Variants in CENPU observed in about 807,000 individuals in gnomAD.
CENPU encodes the protein centromere protein U, also known as KSHV latent nuclear antigen interacting protein 1.
In CENPU, 46 loss-of-function variants were observed where a neutral mutation model predicts 56.7. The observed-to-expected ratio is 0.81, with a 90% CI of 0.64 to 1.04. The LOEUF is 1.04. Among genes scored for constraint, CENPU ranks in the 50% least tolerant of loss-of-function variants. The pLI, the probability that CENPU is intolerant of heterozygous loss-of-function variation, is 0.00. For synonymous variants in CENPU, 166 were observed against 163.0 expected (o/e 1.02, Z -0.14); for missense variants, 510 against 490.1 (o/e 1.04, Z -0.38).
intron 1 of CENPU, chr4:184,733,366 G>C: frequency 1.0e-6 from 1 of 988,492 alleles, no homozygotes; most frequent in Non-Finnish European, 1.2e-6. Flanking sequence ...TTGGCGTATG[G>C]CTTTGTGCAC....
At chr4:184,731,735 G>T (rs1397711425) in intron 1 of CENPU, among the ~76,000 whole-genome samples, 1 of 152,152 alleles carries the variant, frequency 6.6e-6, no homozygotes. Flanking sequence ...CATGCAGATT[G>T]CAGCCATATT....
chr4:184,724,797 T>G (rs909503278), intron 4 of CENPU, among the ~76,000 whole-genome samples, 160 bp downstream of exon 4: 1 of 152,214 alleles, frequency 6.6e-6, no homozygotes, highest in Non-Finnish European at 1.5e-5. Flanking sequence ...ATCGTGTCAA[T>G]TATTAATAAA....
In CENPU at chr4:184,730,614, G is replaced by T. The variant is rs545341199; in HGVS notation, c.96+306C>A. Among the ~76,000 whole-genome samples the T allele has an allele frequency of 4.6e-5, 7 of 150,988 alleles. 1 individual carries two copies. The South Asian group carries it at 1.5e-3, about 31-fold the overall frequency. On this transcript the variant is annotated intron_variant, in intron 2 of 12. Coordinates refer to ENST00000281453, the MANE Select transcript of CENPU (RefSeq NM_024629.4). ...ATCATGAAATCATAAAACAATTCTT[G>T]AAAAGTACAATGAGGAGAAATGGCT... is the stretch of plus-strand genomic sequence containing the variant.
chr4:184,725,509 T>G (rs1244834929), intron 3 of CENPU, among the ~76,000 whole-genome samples: 1 of 152,202 alleles, frequency 6.6e-6, no homozygotes, highest in Non-Finnish European at 1.5e-5. Context: ...TCTCACTATG[T>G]TGCCCAGGTT....
intron 3 of CENPU, among the ~76,000 whole-genome samples, chr4:184,727,370 A>T (rs1328413360): frequency 6.6e-6 from 1 of 152,188 alleles, no homozygotes; most frequent in East Asian, 1.9e-4. Flanking sequence ...ATGGTTGCAC[A>T]ACAACGTGAA....
chr4:184,718,740 A>G (rs72705689), intron 4 of CENPU, among the ~76,000 whole-genome samples: 27,094 of 152,126 alleles, frequency 0.18, 2,707 homozygotes, highest in African/African-American at 0.26. Flanking sequence ...GAACAAACCA[A>G]GACTGATTGC....
intron 12 of CENPU, among the ~76,000 whole-genome samples, chr4:184,697,094 C>T (rs749999633): frequency 6.6e-6 from 1 of 152,012 alleles, no homozygotes; most frequent in Non-Finnish European, 1.5e-5. Context: ...TCGCCCAAGG[C>T]TGGTCTTGAA....
intron 8 of CENPU, 83 bp from the exon 9 acceptor site, chr4:184,702,524 CACAT>C: frequency 1.1e-6 from 1 of 917,324 alleles, no homozygotes; most frequent in Non-Finnish European, 1.7e-6. Context: ...AACAAACATA[CACAT>C]ACAATTTGGC....
In CENPU at chr4:184,699,681, GAC is replaced by G. The variant is rs924132627; in HGVS notation, c.986+1137_986+1138del. The G allele has an allele frequency of 4.8e-5, 55 of 1,135,368 alleles. No homozygotes were observed. The African/African-American group carries it at 7.0e-4, about 14-fold the overall frequency. 70.3% of individuals were successfully genotyped at this position (1,135,368 alleles called of 1,614,324 possible). On this transcript the variant is annotated intron_variant, in intron 11 of 12. Transcript: ENST00000281453. ...GTGGCAGTCTCTCTTTTTTTTTTGA[GAC>G]ACAGTTTCACTCTGTCACCCAGGCT... is the stretch of plus-strand genomic sequence containing the variant.
chr4:184,730,698 G>T (rs892065675), intron 2 of CENPU, among the ~76,000 whole-genome samples: 2 of 151,830 alleles, frequency 1.3e-5, no homozygotes, highest in Non-Finnish European at 2.9e-5. Context: ...TTATCTAAAC[G>T]AAAATAAAAC....
chr4:184,708,789 GAAATGCTT>G (rs1240804791), intron 8 of CENPU, among the ~76,000 whole-genome samples: 1 of 152,158 alleles, frequency 6.6e-6, no homozygotes, highest in African/African-American at 2.4e-5. Flanking sequence ...GGTGTTGGAT[GAAATGCTT>G]AAATATGAGA....
rs939154673 is a variant in CENPU at position 184,697,511 on chromosome 4, T to C, written c.1143+136A>G. 38 of 799,224 alleles carry C rather than the reference T, an allele frequency of 4.8e-5. No homozygotes were observed. The African/African-American group carries it at 5.7e-4, about 12-fold the overall frequency. 49.5% of individuals were successfully genotyped at this position (799,224 alleles called of 1,614,324 possible). A position where few individuals can be genotyped will look rare whatever the true frequency, so the allele number is the denominator to read the frequency against. On this transcript the variant is annotated intron_variant, in intron 12 of 12. Transcript: ENST00000281453. ...GATATAATGAAGTTTCACTGGCTTATAGTGATACTATTTTAGGTGGACTCT... is the reference window on the plus strand; with the variant it reads ...GATATAATGAAGTTTCACTGGCTTACAGTGATACTATTTTAGGTGGACTCT...
rs9715659 is a variant in CENPU at position 184,712,036 on chromosome 4, G to T, written c.688+908C>A. 3.3e-5 allele frequency among the ~76,000 whole-genome samples: 5 copies of T among 150,350 alleles called. No individual in the cohort carries two copies. In the East Asian group the frequency reaches 7.8e-4, roughly 23 times the overall value. Reference sequence around the variant, plus strand: ...CTCAGGAGGCTGAGGCAGGCGATTCGCTTGAACCTGGGAGGCAGAAGTTGC... The same window carrying T: ...CTCAGGAGGCTGAGGCAGGCGATTCTCTTGAACCTGGGAGGCAGAAGTTGC... On this transcript the variant is annotated intron_variant, in intron 7 of 12. Transcript: ENST00000281453.
chr4:184,728,941 T>C lies in CENPU; in HGVS notation c.191A>G (p.Asp64Gly). ...SIGRLGENEKDEETYETFDPP... is the reference protein window; with the variant it reads ...SIGRLGENEKGEETYETFDPP... ...ACCAAAGGTCTCATAAGTTTCTTCA[T>C]CTTTCTCATTTTCACCCAGCCTGCC... is the stretch of plus-strand genomic sequence containing the variant. Residue 64 changes from aspartate (D) to glycine (G), a missense_variant, in exon 3 of 13, where the codon GAT becomes GGT. By Grantham distance (94) the Asp-to-Gly change is moderately conservative. Coordinates refer to ENST00000281453, the MANE Select transcript of CENPU (RefSeq NM_024629.4). 6.2e-7 allele frequency: 1 copy of C among 1,614,044 alleles called. No individual in the cohort carries two copies. Among genetic ancestry groups the C allele is most frequent in the Non-Finnish European group, 8.5e-7 (1 of 1,179,908 alleles).
At chr4:184,724,179 T>C (rs763269302) in intron 4 of CENPU, among the ~76,000 whole-genome samples, 2 of 152,064 alleles carry the variant, frequency 1.3e-5, no homozygotes, top group Non-Finnish European at 2.9e-5. Flanking sequence ...GGCAGGAGAA[T>C]GGCGTGAACC....
chr4:184,705,984 A>T (rs956750680), intron 8 of CENPU, among the ~76,000 whole-genome samples: 1 of 152,198 alleles, frequency 6.6e-6, no homozygotes, highest in African/African-American at 2.4e-5. Context: ...TTGTGATTTA[A>T]CGGGTACAGA....
chr4:184,704,446 G>A (rs1447445759), intron 8 of CENPU, among the ~76,000 whole-genome samples: 2 of 152,156 alleles, frequency 1.3e-5, no homozygotes, highest in East Asian at 1.9e-4. Context: ...TATAGCCGCG[G>A]CATGTACTAG....
chr4:184,710,251 T>A, intron 7 of CENPU, 71 bp from the exon 8 acceptor site: 1 of 953,550 alleles, frequency 1.0e-6, no homozygotes, highest in Non-Finnish European at 1.6e-6. Flanking sequence ...TCTGAAAGCC[T>A]GACACAAAAA....
In CENPU at chr4:184,713,028, A is replaced by G; in HGVS notation, c.619-15T>C. 2 of 1,469,602 alleles carry G rather than the reference A, an allele frequency of 1.4e-6. No individual in the cohort carries two copies. Among genetic ancestry groups the G allele is most frequent in the African/African-American group, 1.4e-5 (1 of 69,890 alleles). The allele number at this position is 1,469,602 out of a possible 1,614,324, so 91.0% of individuals were successfully genotyped here. On this transcript the variant is annotated splice_polypyrimidine_tract_variant and intron_variant, in intron 6 of 12. Transcript: ENST00000281453. ...TTCTGAGTTTTCTACAAAAAAAAAA[A>G]GCATTAAGTTTTTAAGAAAAGTTTT...
Sources: gnomAD v4.1 joint callset for allele counts (sites outside exome capture counted in the v4.1 genomes callset) on GRCh38, gnomAD v4.1.1 for gene constraint, MANE v1.5 for transcripts, NCBI Gene and HGNC (gene_info 2026-07-23, HGNC 2026-07-21) for gene names.